The following DLGAP1 variants were observed in gnomAD, a reference collection of about 807,000 sequenced individuals.
DLGAP1 encodes the protein disks large-associated protein 1.
In DLGAP1, 11 loss-of-function variants were observed where a neutral mutation model predicts 90.8. The ratio of observed to expected loss-of-function variants is 0.12; its 90% CI spans 0.08 to 0.20. The LOEUF (loss-of-function observed/expected upper bound fraction) is 0.20. DLGAP1 is among the 10% of genes least tolerant of loss of function. DLGAP1 has a pLI of 1.00. For synonymous variants in DLGAP1, 558 were observed against 540.7 expected, an observed-to-expected ratio of 1.03 and a Z score of -0.44; for missense variants, 1,050 against 1,333.8, an observed-to-expected ratio of 0.79 and a Z score of 3.31.
At chr18:4,179,420 T>C (rs920344553) in intron 1 of DLGAP1, among the ~76,000 whole-genome samples, 1 of 152,236 alleles carries the variant, frequency 6.6e-6, no homozygotes, top group Non-Finnish European at 1.5e-5. Context: ...GTTCCTAACT[T>C]AAGACCATTT....
At chr18:3,758,528 C>G (rs771624128) in intron 5 of DLGAP1, among the ~76,000 whole-genome samples, 6 of 152,172 alleles carry the variant, frequency 3.9e-5, no homozygotes, top group African/African-American at 1.2e-4. Flanking sequence ...CTGAAGCTCT[C>G]CCTAATGCCT....
At chr18:3,969,392 G>A (rs1371404093) in intron 3 of DLGAP1, among the ~76,000 whole-genome samples, 1 of 152,228 alleles carries the variant, frequency 6.6e-6, no homozygotes, top group East Asian at 1.9e-4. Flanking sequence ...TTTGCAAAAC[G>A]TTCTGTCACA....
chr18:4,238,935 T>A (rs1181540568), intron 1 of DLGAP1, among the ~76,000 whole-genome samples: 1 of 152,124 alleles, frequency 6.6e-6, no homozygotes, highest in African/African-American at 2.4e-5. Flanking sequence ...ACAGGAAAAA[T>A]CATCAATAAA....
intron 10 of DLGAP1, among the ~76,000 whole-genome samples, chr18:3,525,070 G>T (rs1430615765): frequency 6.7e-6 from 1 of 149,432 alleles, no homozygotes; most frequent in Non-Finnish European, 1.5e-5. Context: ...TAACACCAGA[G>T]TTTCCACAGT....
At chr18:3,530,464 G>C (rs998457107) in intron 10 of DLGAP1, among the ~76,000 whole-genome samples, 2 of 151,864 alleles carry the variant, frequency 1.3e-5, no homozygotes, top group African/African-American at 4.8e-5. Context: ...GAGAGAGAGA[G>C]AACACCAATC....
chr18:3,505,834 A>C (rs1167551835), intron 11 of DLGAP1, among the ~76,000 whole-genome samples: 1 of 152,088 alleles, frequency 6.6e-6, no homozygotes, highest in Admixed American at 6.6e-5. Context: ...AAAATATGAG[A>C]AGCACATTTT....
At chr18:3,771,570 C>A (rs2064549832) in intron 5 of DLGAP1, 21 of 152,236 alleles carry the variant, frequency 1.4e-4, no homozygotes, top group Admixed American at 1.4e-3. Flanking sequence ...GTGTGTACTG[C>A]GGGACTTGCA....
At chr18:3,860,095 T>C (rs1252062551) in intron 4 of DLGAP1, among the ~76,000 whole-genome samples, 4 of 84,006 alleles carry the variant, frequency 4.8e-5, no homozygotes, top group African/African-American at 1.5e-4. Context: ...CGAGACTCTG[T>C]CTCAAAAAAT....
intron 5 of DLGAP1, among the ~76,000 whole-genome samples, chr18:3,782,824 A>C (rs374369807): frequency 7.2e-5 from 11 of 152,348 alleles, no homozygotes; most frequent in Admixed American, 2.6e-4. Context: ...CAAAATTAAA[A>C]ATTTTTGTGA....
chr18:3,765,144 T>C (rs985621217), intron 5 of DLGAP1, among the ~76,000 whole-genome samples: 8 of 142,692 alleles, frequency 5.6e-5, no homozygotes, highest in African/African-American at 1.6e-4. Context: ...TTTTTTTTTT[T>C]TGAGACAGAG....
chr18:4,392,276 G>T (rs1206098626), intron 1 of DLGAP1, among the ~76,000 whole-genome samples: 1 of 152,072 alleles, frequency 6.6e-6, no homozygotes, highest in African/African-American at 2.4e-5. Context: ...GTTAGTGGAG[G>T]AGCTGCTCAT....
chr18:3,836,802 T>C (rs2068413545), intron 4 of DLGAP1, among the ~76,000 whole-genome samples: 1 of 152,244 alleles, frequency 6.6e-6, no homozygotes, highest in South Asian at 2.1e-4. Flanking sequence ...GACTGCAGCT[T>C]TCTTTTCTTA....
At chr18:4,125,471 T>C (rs2076218569) in intron 2 of DLGAP1, among the ~76,000 whole-genome samples, 1 of 152,130 alleles carries the variant, frequency 6.6e-6, no homozygotes, top group South Asian at 2.1e-4. Context: ...TTGCTGTGGA[T>C]TGCAGACTCA....
chr18:3,561,269 A>AC (rs1180469858), intron 9 of DLGAP1, among the ~76,000 whole-genome samples: 12 of 83,144 alleles, frequency 1.4e-4, no homozygotes, highest in South Asian at 4.4e-4. Flanking sequence ...AAAAAAACAA[A>AC]AAAAAAAAAA....
chr18:3,762,322 G>A (rs550939084), intron 5 of DLGAP1, among the ~76,000 whole-genome samples: 1 of 152,310 alleles, frequency 6.6e-6, no homozygotes, highest in African/African-American at 2.4e-5. Flanking sequence ...TTATTGCTAA[G>A]AAAGATGTAG....
rs75173458 is a variant in DLGAP1 at position 4,385,477 on chromosome 18, T to C, written c.-267+69529A>G. ...TCATCACAATACTTTCATTTTTTTT[T>C]CCCAAACCTTAGCAGAAAACTCTGT... On this transcript the variant is annotated intron_variant, in intron 1 of 12. Coordinates refer to ENST00000315677, the MANE Select transcript of DLGAP1 (RefSeq NM_004746.4). 4.5e-3 allele frequency among the ~76,000 whole-genome samples: 677 copies of C among 151,890 alleles called. 3 individuals are homozygous for C. Among genetic ancestry groups the C allele is most frequent in the African/African-American group, 0.015 (598 of 41,210 alleles).
rs780682888 is a variant in DLGAP1 at position 3,775,536 on chromosome 18, G to A, written c.1173-33024C>T. 6.6e-6 allele frequency among the ~76,000 whole-genome samples: 1 copy of A among 152,078 alleles called. No homozygotes were observed. Among genetic ancestry groups the A allele is most frequent in the African/African-American group, 2.4e-5 (1 of 41,402 alleles). Reference sequence around the variant, plus strand: ...AGTTTCCCGAGGCCTCACCAAGCACGCTTCCTGTACAGCCTGTGAAACCCT... The same window carrying A: ...AGTTTCCCGAGGCCTCACCAAGCACACTTCCTGTACAGCCTGTGAAACCCT... On this transcript the variant is annotated intron_variant, in intron 5 of 12. Transcript: ENST00000315677. The surrounding 1 kb of genome is among the most constrained non-coding windows in gnomAD (Gnocchi z 4.9).
intron 7 of DLGAP1, among the ~76,000 whole-genome samples, chr18:3,699,937 C>A (rs542313613): frequency 1.8e-4 from 28 of 152,328 alleles, no homozygotes; most frequent in Middle Eastern, 3.4e-3. Context: ...GGGAAAACTG[C>A]CTACTCAAGC....
chr18:4,394,826 A>T (rs1178321710), intron 1 of DLGAP1, among the ~76,000 whole-genome samples: 2 of 152,184 alleles, frequency 1.3e-5, no homozygotes, highest in Non-Finnish European at 2.9e-5. Context: ...AGAATTTCAT[A>T]AATTGCTTTA....
Sources: gnomAD v4.1 joint callset for allele counts (sites outside exome capture counted in the v4.1 genomes callset) on GRCh38, gnomAD v4.1.1 for gene constraint, Gnocchi (gnomAD v3.1) non-coding constraint, MANE v1.5 for transcripts, NCBI Gene and HGNC (gene_info 2026-07-23, HGNC 2026-07-21) for gene names.